The following EYA2 variants were observed in gnomAD, a reference collection of about 807,000 sequenced individuals.
EYA2 encodes the protein protein phosphatase EYA2.
In EYA2, 31 loss-of-function variants were observed where a neutral mutation model predicts 69.2. The observed-to-expected ratio is 0.45, with a 90% CI of 0.34 to 0.60. The LOEUF (loss-of-function observed/expected upper bound fraction) is 0.60, where lower values mean the gene tolerates loss of function less well. Ranked by LOEUF, EYA2 falls within the 20% of genes least tolerant of loss-of-function variation. EYA2 has a pLI of 0.02. For missense variants in EYA2, 622 were observed against 701.2 expected (o/e 0.89, Z 1.28); for synonymous variants, 257 against 279.4 (o/e 0.92, Z 0.80).
At chr20:47,035,934 C>T (rs918585777) in intron 5 of EYA2, among the ~76,000 whole-genome samples, 3 of 152,128 alleles carry the variant, frequency 2.0e-5, no homozygotes, top group African/African-American at 7.2e-5. Flanking sequence ...TCACTTGAGC[C>T]TGGGCAGTCG....
chr20:47,117,487 C>T, intron 9 of EYA2: 1 of 985,432 alleles, frequency 1.0e-6, no homozygotes, highest in Non-Finnish European at 1.2e-6. Context: ...CTCCGTTCCA[C>T]CACAGTCCTC....
intron 9 of EYA2, among the ~76,000 whole-genome samples, chr20:47,118,085 C>G (rs1038766838): frequency 2.0e-5 from 3 of 152,176 alleles, no homozygotes; most frequent in African/African-American, 7.2e-5. Flanking sequence ...CCTTGGAACT[C>G]TATAAAATAG....
At chr20:47,156,779 T>C (rs1273579686) in intron 10 of EYA2, among the ~76,000 whole-genome samples, 1 of 151,916 alleles carries the variant, frequency 6.6e-6, no homozygotes, top group Non-Finnish European at 1.5e-5. Flanking sequence ...CTCTGGCTAG[T>C]CTGGAGGCAG....
intron 4 of EYA2, among the ~76,000 whole-genome samples, chr20:47,005,404 G>GT (rs1312665386): frequency 1.3e-5 from 2 of 152,186 alleles, no homozygotes; most frequent in Admixed American, 1.3e-4. Flanking sequence ...AAGCGTCATC[G>GT]TGAGGTGTAA....
chr20:46,950,884 G>A (rs1036486511), intron 1 of EYA2, among the ~76,000 whole-genome samples: 3 of 152,186 alleles, frequency 2.0e-5, no homozygotes, highest in Non-Finnish European at 4.4e-5. Context: ...AAGGCATGAA[G>A]CGAAGGAAAG....
intron 5 of EYA2, among the ~76,000 whole-genome samples, chr20:47,057,668 CT>C: frequency 6.6e-6 from 1 of 152,200 alleles, no homozygotes; most frequent in East Asian, 1.9e-4. Context: ...GGTCCCTTTG[CT>C]ATGGGGAAAG....
At chr20:47,055,849 T>A (rs1169064494) in intron 5 of EYA2, among the ~76,000 whole-genome samples, 2 of 152,144 alleles carry the variant, frequency 1.3e-5, no homozygotes, top group Non-Finnish European at 2.9e-5. Flanking sequence ...GTCCTGCAAC[T>A]CACCTTTTTT....
At chr20:47,053,524 G>A (rs942692577) in intron 5 of EYA2, among the ~76,000 whole-genome samples, 3 of 151,820 alleles carry the variant, frequency 2.0e-5, no homozygotes, top group African/African-American at 4.8e-5. Flanking sequence ...AAAATTAGCC[G>A]GGTGTGGTGG....
chr20:46,930,607 A>G (rs1240678136), intron 1 of EYA2, among the ~76,000 whole-genome samples: 4 of 152,206 alleles, frequency 2.6e-5, no homozygotes, highest in African/African-American at 4.8e-5. Flanking sequence ...ATGACAAAAA[A>G]GGGGGTCCTG....
chr20:47,066,916 C>T (rs989221448), intron 5 of EYA2, among the ~76,000 whole-genome samples: 16 of 152,146 alleles, frequency 1.1e-4, no homozygotes, highest in East Asian at 3.9e-4. Flanking sequence ...CAAGCTGGGT[C>T]TGTTTGTCAA....
intron 9 of EYA2, among the ~76,000 whole-genome samples, chr20:47,125,658 C>T (rs192760390): frequency 6.6e-6 from 1 of 152,184 alleles, no homozygotes; most frequent in South Asian, 2.1e-4. Flanking sequence ...TGGCAAAGCT[C>T]TCTGTTGTGT....
At chr20:47,150,078 C>T (rs1371348870) in intron 10 of EYA2, among the ~76,000 whole-genome samples, 2 of 152,132 alleles carry the variant, frequency 1.3e-5, no homozygotes, top group African/African-American at 4.8e-5. Flanking sequence ...AAGAGGGAGG[C>T]AAAGAGTTTG....
intron 5 of EYA2, among the ~76,000 whole-genome samples, chr20:47,037,830 A>T (rs910800702): frequency 1.3e-5 from 2 of 152,150 alleles, no homozygotes; most frequent in African/African-American, 4.8e-5. Context: ...AGCAACCTTA[A>T]TTCCATCTGA....
At chr20:47,092,286 G>A (rs1245857284) in intron 8 of EYA2, among the ~76,000 whole-genome samples, 1 of 152,138 alleles carries the variant, frequency 6.6e-6, no homozygotes, top group Non-Finnish European at 1.5e-5. Context: ...TGCAGAGCAA[G>A]TGTTCCCACT....
At chr20:47,006,151 C>T (rs1982698941) in intron 4 of EYA2, among the ~76,000 whole-genome samples, 1 of 152,188 alleles carries the variant, frequency 6.6e-6, no homozygotes, top group Non-Finnish European at 1.5e-5. Flanking sequence ...AAAAAGAGAG[C>T]CCCTCCTGTC....
At chr20:46,959,067 G>A (rs1979312128) in intron 1 of EYA2, among the ~76,000 whole-genome samples, 1 of 152,230 alleles carries the variant, frequency 6.6e-6, no homozygotes, top group African/African-American at 2.4e-5. Context: ...CCAGTAATGG[G>A]ATTGTGAGTC....
intron 1 of EYA2, among the ~76,000 whole-genome samples, chr20:46,916,151 T>G (rs186432097): frequency 1.3e-5 from 2 of 152,306 alleles, no homozygotes; most frequent in Admixed American, 1.3e-4. Context: ...TCTGCCAGTG[T>G]TACACTTGCC....
At chr20:47,007,206 C>T (rs1026505822) in intron 4 of EYA2, among the ~76,000 whole-genome samples, 1 of 152,244 alleles carries the variant, frequency 6.6e-6, no homozygotes, top group Non-Finnish European at 1.5e-5. Context: ...GCTGAGACTA[C>T]AAGCGGGAGC....
chr20:47,006,792 A>G (rs1982743022), intron 4 of EYA2, among the ~76,000 whole-genome samples: 2 of 152,188 alleles, frequency 1.3e-5, no homozygotes, highest in African/African-American at 4.8e-5. Context: ...TATGTGGACA[A>G]AAGCCCTGCA....
Sources: allele counts gnomAD v4.1 joint callset (sites outside exome capture counted in the v4.1 genomes callset), GRCh38; gene constraint gnomAD v4.1.1; transcripts MANE v1.5; gene names NCBI Gene and HGNC (gene_info 2026-07-23, HGNC 2026-07-21).